KIF5B: variants seen among roughly 807,000 people sequenced by gnomAD.
KIF5B encodes kinesin family member 5B.
Under a neutral mutation model 132.8 loss-of-function variants are expected in KIF5B, and 49 were observed. The observed-to-expected ratio is 0.37, with a 90% confidence interval of 0.29 to 0.47. The LOEUF is 0.47. KIF5B is among the 20% of genes least tolerant of loss of function. KIF5B has a pLI of 1.00. For synonymous variants in KIF5B, 355 were observed against 369.4 expected, an observed-to-expected ratio of 0.96 and a Z score of 0.45; for missense variants, 780 against 1,144.0, an observed-to-expected ratio of 0.68 and a Z score of 4.59.
chr10:32,054,086 G>T (rs1841725002), intron 1 of KIF5B, among the ~76,000 whole-genome samples: 1 of 152,162 alleles, frequency 6.6e-6, no homozygotes, highest in South Asian at 2.1e-4. Context: ...GATAACTACA[G>T]ATCTGTGTAA....
chr10:32,037,757 T>TG (rs1280685608), intron 6 of KIF5B, 150 bp from the exon 7 acceptor site: 1 of 613,632 alleles, frequency 1.6e-6, no homozygotes, highest in Non-Finnish European at 2.8e-6. Flanking sequence ...CGCTTGAGCC[T>TG]GGGAGGCAAA....
At chr10:32,052,333 G>C (rs1048168452) in intron 1 of KIF5B, among the ~76,000 whole-genome samples, 1 of 152,140 alleles carries the variant, frequency 6.6e-6, no homozygotes, top group Non-Finnish European at 1.5e-5. Flanking sequence ...CCCTCTTAAG[G>C]TAATCAAGAA....
At chr10:32,037,671 A>G in intron 6 of KIF5B, 64 bp from the exon 7 acceptor site, 1 of 1,258,982 alleles carries the variant, frequency 7.9e-7, no homozygotes, top group Non-Finnish European at 1.1e-6. Flanking sequence ...TTTCTCTAAT[A>G]AAAACACAAA....
chr10:32,053,534 A>G (rs1841719066), intron 1 of KIF5B, among the ~76,000 whole-genome samples: 2 of 151,938 alleles, frequency 1.3e-5, no homozygotes, highest in South Asian at 4.2e-4. Context: ...AGACCGCCCT[A>G]GCCAACATGG....
rs547472534 is a variant in KIF5B, at chr10:32,018,800, A to G, written c.2307-238T>C. Among the ~76,000 whole-genome samples the G allele has an allele frequency of 5.3e-5, 8 of 152,178 alleles. No homozygotes were observed. The East Asian group carries it at 1.4e-3, about 26-fold the overall frequency. Reference sequence around the variant, plus strand: ...CTGCAACCTCAACCTCCTGGGCTCAAGTGATCCTCCTCACCTCGTCTCCCA... The same window carrying G: ...CTGCAACCTCAACCTCCTGGGCTCAGGTGATCCTCCTCACCTCGTCTCCCA... On this transcript the variant is annotated intron_variant, in intron 20 of 25. Coordinates refer to ENST00000302418, the MANE Select transcript of KIF5B (RefSeq NM_004521.3).
chr10:32,019,483 TA>T (rs554780637), intron 20 of KIF5B, among the ~76,000 whole-genome samples: 13 of 152,334 alleles, frequency 8.5e-5, no homozygotes, highest in African/African-American at 2.9e-4. Context: ...AATGCTCTTT[TA>T]TGCAAGAGAA....
At chr10:32,015,061 G>A (rs1841140546) in intron 25 of KIF5B, among the ~76,000 whole-genome samples, 1 of 151,878 alleles carries the variant, frequency 6.6e-6, no homozygotes, top group Non-Finnish European at 1.5e-5. Flanking sequence ...GCCAGAGGTT[G>A]CAGTGAGCTG....
intron 2 of KIF5B, among the ~76,000 whole-genome samples, chr10:32,046,943 A>C (rs1841617740): frequency 6.6e-6 from 1 of 152,116 alleles, no homozygotes; most frequent in Admixed American, 6.5e-5. Flanking sequence ...GCCTACTTTA[A>C]ATGTGCTCAG....
chr10:32,012,346 G>C lies in KIF5B; in HGVS notation c.*21-830C>G, dbSNP rs1484976934. Among the ~76,000 whole-genome samples, 3 of 152,216 alleles carry C rather than the reference G, an allele frequency of 2.0e-5. No individual in the cohort carries two copies. The East Asian group carries it at 5.8e-4, about 29-fold the overall frequency. On this transcript the variant is annotated intron_variant, in intron 25 of 25. Coordinates refer to ENST00000302418, the MANE Select transcript of KIF5B (RefSeq NM_004521.3). The stretch of plus-strand genomic sequence containing the variant: ...AAACCTTAGGCGGGCGTGGTAGTGG[G>C]CGCCTGTAATCCCAGCTACTCGGGA...
At chr10:32,048,755 T>C (rs1000569136) in intron 1 of KIF5B, among the ~76,000 whole-genome samples, 1 of 152,194 alleles carries the variant, frequency 6.6e-6, no homozygotes, top group Non-Finnish European at 1.5e-5. Flanking sequence ...AGAATGGTCT[T>C]TAGTCTTTGC....
In KIF5B at chr10:32,033,183, T is replaced by C. The variant is rs536544371; in HGVS notation, c.1306-409A>G. 3.3e-5 allele frequency among the ~76,000 whole-genome samples: 5 copies of C among 152,282 alleles called. No homozygotes were observed. In the South Asian group the frequency reaches 1.0e-3, roughly 32 times the overall value. On this transcript the variant is annotated intron_variant, in intron 12 of 25. Coordinates refer to ENST00000302418, the MANE Select transcript of KIF5B (RefSeq NM_004521.3). ...ATTGTGTTTCCCTTAATCTCTCACA[T>C]CATCTTTTATTGGAGTCTTCAGAGC...
chr10:32,034,099 A>C, intron 11 of KIF5B, 61 bp from the exon 12 acceptor site: 8 of 1,080,198 alleles, frequency 7.4e-6, no homozygotes, highest in Non-Finnish European at 9.2e-6. Flanking sequence ...TTTCAATTTC[A>C]TTCCTTTAAA....
rs898154678 is a variant in KIF5B, at chr10:32,016,685, C to T, written c.2761+458G>A. ...GCCTCCCAAGTTGCTGGGTTACAGG[C>T]GTTCACCACCATGCCTGGCTAATTT... is the stretch of plus-strand genomic sequence containing the variant. On this transcript the variant is annotated intron_variant, in intron 24 of 25. Transcript: ENST00000302418. 3.9e-5 allele frequency among the ~76,000 whole-genome samples: 6 copies of T among 152,134 alleles called. No individual in the cohort carries two copies. In the East Asian group the frequency reaches 9.8e-4, roughly 25 times the overall value.
chr10:32,055,798 C>A lies in KIF5B; in HGVS notation c.126+50G>T, dbSNP rs114225035. The A allele has an allele frequency of 3.2e-3, 5,142 of 1,599,820 alleles. 133 individuals carry two copies. In the African/African-American group the frequency reaches 0.054, roughly 17 times the overall value. On this transcript the variant is annotated intron_variant, in intron 1 of 25. Coordinates refer to ENST00000302418, the MANE Select transcript of KIF5B (RefSeq NM_004521.3). ...CTGCCACTTCCCTAAACTCCCCGCA[C>A]AGGCCGGCCCGAAGAAGCGGGAGGA...
chr10:32,021,255 T>G lies in KIF5B; in HGVS notation c.2065A>C (p.Asn689His), dbSNP rs769987690. 1 of 1,613,112 alleles carries G rather than the reference T, an allele frequency of 6.2e-7. No homozygotes were observed. The highest frequency in any genetic ancestry group is 1.1e-5 in the South Asian group (1 of 91,052). ...ACTTCATTTGCAGTCTGAACCTTAT[T>G]TAAGTGCTCCTTTTCCATTTCATGG... ...KVHEMEKEHL[N>H]KVQTANEVKQ... Residue 689 changes from asparagine (N) to histidine (H), a missense_variant, in exon 18 of 26, where the codon AAT (asparagine) becomes CAT (histidine). Asn to His is a moderately conservative substitution (Grantham distance 68, BLOSUM62 1). This residue lies in a region of KIF5B where 471 missense variants were observed against 569.9 expected (regional missense o/e 0.83). Transcript: ENST00000302418.
chr10:32,038,462 C>T (rs571405344), intron 5 of KIF5B, among the ~76,000 whole-genome samples: 4 of 152,252 alleles, frequency 2.6e-5, no homozygotes, highest in East Asian at 1.9e-4. Context: ...AGAACATTAA[C>T]CCTGAATGGT....
chr10:32,016,136 C>T (rs1484277657), intron 24 of KIF5B, among the ~76,000 whole-genome samples: 1 of 151,882 alleles, frequency 6.6e-6, no homozygotes, highest in African/African-American at 2.4e-5. Flanking sequence ...AAGCAAGACC[C>T]TGTGTCATAA....
At chr10:32,022,684 G>A (rs112668999) in intron 16 of KIF5B, among the ~76,000 whole-genome samples, 164 bp downstream of exon 16, 177 of 152,232 alleles carry the variant, frequency 1.2e-3, no homozygotes, top group African/African-American at 4.2e-3. Context: ...TTTATGTTAG[G>A]CAAATATAAC....
At position 32,009,224 on chromosome 10, in the gene KIF5B, GTAGT is replaced by G. The variant is rs760789256; in HGVS notation, c.*2309_*2312del. ...AAGCACAAACTGAGAGTTACGCACA[GTAGT>G]TTTCTTAAGTTAGGCAAATAATTTA... On this transcript the variant is annotated 3_prime_UTR_variant, in exon 26 of 26. Coordinates refer to ENST00000302418, the MANE Select transcript of KIF5B (RefSeq NM_004521.3). The G allele has an allele frequency of 2.6e-5, 4 of 152,166 alleles. No homozygotes were observed. The highest frequency in any genetic ancestry group is 5.9e-5 in the Non-Finnish European group (4 of 68,022). The allele number at this position is 152,166 out of a possible 1,614,324, so 9.4% of individuals were successfully genotyped here. A position where few individuals can be genotyped will look rare whatever the true frequency, so the allele number is the denominator to read the frequency against.
Sources: gnomAD v4.1 joint callset for allele counts (sites outside exome capture counted in the v4.1 genomes callset) on GRCh38, gnomAD v4.1.1 for gene constraint, gnomAD v4.1.1 regional missense constraint, MANE v1.5 for transcripts, NCBI Gene and HGNC (gene_info 2026-07-23, HGNC 2026-07-21) for gene names.